Variants in SZT2 observed in about 807,000 individuals in gnomAD.
SZT2 encodes SZT2 subunit of KICSTOR complex.
In SZT2, 216 loss-of-function variants were observed where a neutral mutation model predicts 404.2. The observed-to-expected ratio is 0.53, with a 90% confidence interval of 0.48 to 0.60. The LOEUF is 0.60. Among genes scored for constraint, SZT2 ranks in the 20% least tolerant of loss-of-function variants. SZT2 has a pLI of 0.00. For missense variants in SZT2, 3,857 were observed against 4,459.2 expected (o/e 0.86, Z 3.85); for synonymous variants, 1,693 against 1,749.9 (o/e 0.97, Z 0.81).
In SZT2 at chr1:43,437,023, G is replaced by C. The variant is rs1329424172; in HGVS notation, c.6035-148G>C. ...GGGCATGCATCTGCCTGGCCCTGTC[G>C]TGTTACCCAGAATGATCATCATTTC... On this transcript the variant is annotated intron_variant, in intron 42 of 71. Transcript: ENST00000634258. The surrounding 1 kb of genome is among the most constrained non-coding windows in gnomAD (Gnocchi z 5.3). The C allele has an allele frequency of 2.8e-6, 3 of 1,064,938 alleles. No homozygotes were observed. In the African/African-American group the frequency reaches 4.7e-5, roughly 17 times the overall value. The allele number at this position is 1,064,938 out of a possible 1,614,324, so 66.0% of individuals were successfully genotyped here.
rs760877198 is a variant in SZT2 at position 43,448,553 on chromosome 1, G to T, written c.9970-59G>T. 3 of 1,613,192 alleles carry T rather than the reference G, an allele frequency of 1.9e-6. No homozygotes were observed. The highest frequency in any genetic ancestry group is 2.7e-5 in the African/African-American group (2 of 74,928). ...GAATTCCACTGGCAGCCAGGGCAGA[G>T]GGCACAGGAATCTGAGGTGACTGGC... On this transcript the variant is annotated intron_variant, in intron 69 of 71. Coordinates refer to ENST00000634258, the MANE Select transcript of SZT2 (RefSeq NM_001365999.1). This position sits in a 1 kb window ranked among gnomAD's most constrained non-coding sequence, Gnocchi z 4.2.
chr1:43,400,803 C>T (rs566232379), intron 1 of SZT2, among the ~76,000 whole-genome samples: 160 of 151,294 alleles, frequency 1.1e-3, no homozygotes, highest in African/African-American at 3.2e-3. Context: ...ACCCAGGAGG[C>T]GGAGGTTGCA....
intron 12 of SZT2, 98 bp from the exon 13 acceptor site, chr1:43,422,382 A>G (rs1652474547): frequency 6.7e-7 from 1 of 1,495,274 alleles, no homozygotes; most frequent in South Asian, 1.3e-5. Context: ...AGTCCCCATA[A>G]CCTCAGGCAA....
chr1:43,453,769 T>A lies in SZT2; in HGVS notation c.*3289T>A. On this transcript the variant is annotated 3_prime_UTR_variant, in exon 72 of 72. Coordinates refer to ENST00000634258, the MANE Select transcript of SZT2 (RefSeq NM_001365999.1). ...AGCTCGGGGAATAGCCAGGACAGATTGGCGGAGAAGCGCAGCGGCGCCATG... is the reference window on the plus strand; with the variant it reads ...AGCTCGGGGAATAGCCAGGACAGATAGGCGGAGAAGCGCAGCGGCGCCATG... 2.3e-6 allele frequency: 3 copies of A among 1,297,536 alleles called. No individual in the cohort carries two copies. Among genetic ancestry groups the A allele is most frequent in the Non-Finnish European group, 2.9e-6 (3 of 1,026,852 alleles). 80.4% of individuals were successfully genotyped at this position (1,297,536 alleles called of 1,614,324 possible).
At chr1:43,422,049 A>G (rs1487311651) in intron 11 of SZT2, 34 bp from the exon 12 acceptor site, 2 of 1,562,996 alleles carry the variant, frequency 1.3e-6, no homozygotes, top group Non-Finnish European at 1.7e-6. Context: ...GTCCTCTGCA[A>G]ATGCTCCTAT....
Position 43,439,974 on chromosome 1 carries a change from G to A in SZT2, c.7136G>A (p.Arg2379His), listed in dbSNP as rs1204610877. The change falls in exon 51 of 72, where the codon CGC becomes CAC. Residue 2379 changes from arginine to histidine, a missense_variant. By Grantham distance (29) the Arg-to-His change is conservative (BLOSUM62 0). Around this residue, in one of 7 missense-constraint regions of SZT2, gnomAD observed 573 missense variants for 592.4 expected, o/e 0.97. Coordinates refer to ENST00000634258, the MANE Select transcript of SZT2 (RefSeq NM_001365999.1). This position sits in a 1 kb window ranked among gnomAD's most constrained non-coding sequence, Gnocchi z 4.2. ...GAGGAGAAACTCCGAGGAGCAGCTC[G>A]CCAGGCCCTGGCCGATGCCATCATC... ...QLEEKLRGAARQALADAIIEL... is the reference protein window; with the variant it reads ...QLEEKLRGAAHQALADAIIEL... 8.7e-6 allele frequency: 14 copies of A among 1,614,006 alleles called. No homozygotes were observed. The highest frequency in any genetic ancestry group is 1.3e-5 in the African/African-American group (1 of 74,912).
chr1:43,453,561 C>G lies in SZT2; in HGVS notation c.*3081C>G, dbSNP rs1557618264. 2 of 1,513,438 alleles carry G rather than the reference C, an allele frequency of 1.3e-6. No individual in the cohort carries two copies. Among genetic ancestry groups the G allele is most frequent in the South Asian group, 1.3e-5 (1 of 78,306 alleles). The allele number at this position is 1,513,438 out of a possible 1,614,324, so 93.8% of individuals were successfully genotyped here. ...TCCCCTGCCCGCGCCCCGGCACCCC[C>G]CAGCCCTCCCAGCCCTCCCGGCCCG... On this transcript the variant is annotated 3_prime_UTR_variant, in exon 72 of 72. Coordinates refer to ENST00000634258, the MANE Select transcript of SZT2 (RefSeq NM_001365999.1).
intron 1 of SZT2, among the ~76,000 whole-genome samples, chr1:43,391,784 TAAAA>T (rs547276538): frequency 1.2e-5 from 1 of 86,040 alleles, no homozygotes; most frequent in Admixed American, 1.1e-4. Context: ...GATAGCCACA[TAAAA>T]AAATGAAACA....
In SZT2 at chr1:43,441,086, C is replaced by T; in HGVS notation, c.7345-128C>T. The T allele has an allele frequency of 1.4e-5, 17 of 1,193,938 alleles. No homozygotes were observed. The highest frequency in any genetic ancestry group is 2.3e-5 in the Admixed American group (1 of 42,938). The allele number at this position is 1,193,938 out of a possible 1,614,324, so 74.0% of individuals were successfully genotyped here. A position where few individuals can be genotyped will look rare whatever the true frequency, so the allele number is the denominator to read the frequency against. ...AACCTGCCCAAGGCTCCTTAGCCAGCCCCTGGGGAAGCCAGGGTCTGAACC... is the reference window on the plus strand; with the variant it reads ...AACCTGCCCAAGGCTCCTTAGCCAGTCCCTGGGGAAGCCAGGGTCTGAACC... On this transcript the variant is annotated intron_variant, in intron 52 of 71. Coordinates refer to ENST00000634258, the MANE Select transcript of SZT2 (RefSeq NM_001365999.1). The surrounding 1 kb of genome is among the most constrained non-coding windows in gnomAD (Gnocchi z 4.8).
chr1:43,443,994 A>G (rs945747991), intron 62 of SZT2, among the ~76,000 whole-genome samples, 198 bp downstream of exon 62: 2 of 152,228 alleles, frequency 1.3e-5, no homozygotes, highest in African/African-American at 4.8e-5. Context: ...CAGACCTTGT[A>G]TGCTTTATGG....
Position 43,430,583 on chromosome 1 carries a change from C to T in SZT2, c.4568C>T (p.Pro1523Leu). 6.2e-7 allele frequency: 1 copy of T among 1,614,208 alleles called. No homozygotes were observed. The highest frequency in any genetic ancestry group is 2.2e-5 in the East Asian group (1 of 44,872). Residue 1523 changes from proline to leucine, a missense_variant, in exon 32 of 72, where the codon CCT becomes CTT. Around this residue, in one of 7 missense-constraint regions of SZT2, gnomAD observed 1,725 missense variants for 1,881.0 expected, o/e 0.92. Coordinates refer to ENST00000634258, the MANE Select transcript of SZT2 (RefSeq NM_001365999.1). ...YRESRESDLG[P>L]AGLDSASLSD... ...GAGAGCCGTGAATCAGACCTGGGGC[C>T]TGCTGGGCTAGACTCTGCCTCGCTG...
At position 43,439,651 on chromosome 1, in the gene SZT2, C is replaced by G. The variant is rs780988266; in HGVS notation, c.6924C>G (p.Pro2308=). 1.9e-6 allele frequency: 3 copies of G among 1,613,748 alleles called. No homozygotes were observed. The South Asian group carries it at 3.3e-5, about 18-fold the overall frequency. ...CCTTTGTGGATGAAGGAGGGGCCCC[C>G]TTGTCACTGGCGTTGTGGCCCCCCT... ...TLAFVDEGGA[P]LSLALWPPSS... is the part of the protein sequence containing the mutation. Residue 2308 remains proline, a synonymous_variant, in exon 50 of 72, where the codon CCC becomes CCG. Transcript: ENST00000634258. This position sits in a 1 kb window ranked among gnomAD's most constrained non-coding sequence, Gnocchi z 4.2.
At position 43,424,884 on chromosome 1, in the gene SZT2, A is replaced by C. The variant is rs1557552323; in HGVS notation, c.2550+22A>C. ...TCAGGTACGTGCCATCCCCCATGACACCTCCCTGCCAAGGTCTGTCATAAT... is the reference window on the plus strand; with the variant it reads ...TCAGGTACGTGCCATCCCCCATGACCCCTCCCTGCCAAGGTCTGTCATAAT... On this transcript the variant is annotated intron_variant, in intron 17 of 71. Transcript: ENST00000634258. The surrounding 1 kb of genome is among the most constrained non-coding windows in gnomAD (Gnocchi z 4.1). 1 of 1,609,592 alleles carries C rather than the reference A, an allele frequency of 6.2e-7. No individual in the cohort carries two copies. The highest frequency in any genetic ancestry group is 1.3e-5 in the African/African-American group (1 of 74,544).
At position 43,425,777 on chromosome 1, in the gene SZT2, C is replaced by T. The variant is rs1229520932; in HGVS notation, c.2815-58C>T. The T allele has an allele frequency of 1.9e-6, 3 of 1,595,718 alleles. No individual in the cohort carries two copies. Among genetic ancestry groups the T allele is most frequent in the Non-Finnish European group, 2.6e-6 (3 of 1,165,448 alleles). ...GTTGAAGCTTCCTGAAGAGCTGGAA[C>T]CCAGGGTATCCTGGGCTAAGAGGGG... On this transcript the variant is annotated intron_variant, in intron 19 of 71. Transcript: ENST00000634258. This position sits in a 1 kb window ranked among gnomAD's most constrained non-coding sequence, Gnocchi z 4.3.
chr1:43,447,279 C>A, intron 66 of SZT2, 111 bp downstream of exon 66: 2 of 1,256,550 alleles, frequency 1.6e-6, no homozygotes, highest in Non-Finnish European at 2.2e-6. Flanking sequence ...TGTTGTTAAT[C>A]ATCTCATGTC....
At position 43,419,741 on chromosome 1, in the gene SZT2, G is replaced by A; in HGVS notation, c.887G>A (p.Gly296Glu). 1 of 1,598,048 alleles carries A rather than the reference G, an allele frequency of 6.3e-7. No homozygotes were observed. The highest frequency in any genetic ancestry group is 2.2e-5 in the East Asian group (1 of 44,886). The change falls in exon 8 of 72, where the codon GGA becomes GAA. Residue 296 changes from glycine to glutamate, a missense_variant. Physicochemically the swap from Gly to Glu is moderately conservative, Grantham distance 98. Around this residue, in one of 7 missense-constraint regions of SZT2, gnomAD observed 536 missense variants for 637.4 expected, o/e 0.84. Coordinates refer to ENST00000634258, the MANE Select transcript of SZT2 (RefSeq NM_001365999.1). ...TVACSFVQVG[G>E]VYSYDCSFGH... ...GTTGCTCACTTTTTCCAGGTGGGAGGAGTTTACTCTTATGACTGCAGTTTT... is the reference window on the plus strand; with the variant it reads ...GTTGCTCACTTTTTCCAGGTGGGAGAAGTTTACTCTTATGACTGCAGTTTT...
chr1:43,452,072 C>T lies in SZT2; in HGVS notation c.*1592C>T. On this transcript the variant is annotated 3_prime_UTR_variant, in exon 72 of 72. Coordinates refer to ENST00000634258, the MANE Select transcript of SZT2 (RefSeq NM_001365999.1). ...CTTCCCAAGTTTGTCCCCCATCAGT[C>T]AGTCACTGGTCAAGGCCCTCACCTG... The T allele has an allele frequency of 1.9e-6, 3 of 1,555,256 alleles. No individual in the cohort carries two copies. Among genetic ancestry groups the T allele is most frequent in the South Asian group, 1.2e-5 (1 of 85,242 alleles).
intron 28 of SZT2, chr1:43,428,726 G>T: frequency 1.8e-6 from 1 of 546,284 alleles, no homozygotes; most frequent in Admixed American, 3.1e-5. Context: ...GATGAGCTGA[G>T]TCAGGGATAG....
At chr1:43,419,173 G>A (rs1652046370) in intron 7 of SZT2, among the ~76,000 whole-genome samples, 1 of 152,218 alleles carries the variant, frequency 6.6e-6, no homozygotes, top group African/African-American at 2.4e-5. Flanking sequence ...AATACAAAAT[G>A]AATGTGTGTG....
Sources: allele counts gnomAD v4.1 joint callset (sites outside exome capture counted in the v4.1 genomes callset), GRCh38; gene constraint gnomAD v4.1.1; regional missense constraint gnomAD v4.1.1; non-coding constraint Gnocchi (gnomAD v3.1); transcripts MANE v1.5; gene names NCBI Gene and HGNC (gene_info 2026-07-23, HGNC 2026-07-21).